Variants in PRUNE2 observed in about 807,000 individuals in gnomAD.
PRUNE2 encodes the protein prune homolog 2 with BCH domain.
PRUNE2 carries 164 observed loss-of-function variants against 252.0 expected under a neutral mutation model. That is an observed-to-expected ratio of 0.65 (90% CI 0.57 to 0.74). The LOEUF is 0.74. Ranked by LOEUF, PRUNE2 falls within the 30% of genes least tolerant of loss-of-function variation. PRUNE2 has a pLI of 0.00. For synonymous variants in PRUNE2, 1,292 were observed against 1,350.2 expected (o/e 0.96, Z 0.94); for missense variants, 3,495 against 3,711.0 (o/e 0.94, Z 1.51).
chr9:76,675,619 T>C (rs879907670), intron 9 of PRUNE2, among the ~76,000 whole-genome samples: 3,189 of 105,642 alleles, frequency 0.03, no homozygotes, highest in South Asian at 0.058. Context: ...TGCATACGTA[T>C]GTTTATTGCG....
At chr9:76,848,963 C>A (rs1178363523) in intron 3 of PRUNE2, among the ~76,000 whole-genome samples, 1 of 152,170 alleles carries the variant, frequency 6.6e-6, no homozygotes, top group East Asian at 1.9e-4. Flanking sequence ...GGTGTAATCA[C>A]AGCTCAACCA....
chr9:76,861,935 T>G (rs1193516892), intron 1 of PRUNE2, among the ~76,000 whole-genome samples: 1 of 152,176 alleles, frequency 6.6e-6, no homozygotes, highest in Non-Finnish European at 1.5e-5. Context: ...GAAGGGCTCC[T>G]AAGGGAATTG....
intron 6 of PRUNE2, among the ~76,000 whole-genome samples, chr9:76,807,465 C>T (rs1420959471): frequency 2.0e-5 from 3 of 152,124 alleles, no homozygotes; most frequent in Admixed American, 2.0e-4. Flanking sequence ...AGCAGCTACT[C>T]AGTATTTCAC....
rs2055545375 is a variant in PRUNE2, at chr9:76,791,543, T to C, written c.756+32089A>G. On this transcript the variant is annotated intron_variant, in intron 6 of 18. Transcript: ENST00000376718. The stretch of plus-strand genomic sequence containing the variant: ...TGGTACAATAATACTGCACCAATTA[T>C]CATTGGTACAATAATACTGCACCAA... Among the ~76,000 whole-genome samples the C allele has an allele frequency of 7.7e-5, 7 of 91,092 alleles. No individual in the cohort carries two copies. In the South Asian group the frequency reaches 3.1e-3, roughly 41 times the overall value. The allele number at this position is 91,092 out of a possible 152,430, so 59.8% of individuals were successfully genotyped here.
At chr9:76,639,388 G>A (rs537991866) in intron 12 of PRUNE2, among the ~76,000 whole-genome samples, 1 of 152,292 alleles carries the variant, frequency 6.6e-6, no homozygotes, top group East Asian at 1.9e-4. Flanking sequence ...CTATTTGGAA[G>A]GCTGAGGCAG....
chr9:76,837,441 A>AAATATTATAATAATAATAAT lies in PRUNE2; in HGVS notation c.508+9073_508+9074insATTATTATTATTATAATATT, dbSNP rs147526426. Among the ~76,000 whole-genome samples the AAATATTATAATAATAATAAT allele has an allele frequency of 9.6e-5, 13 of 134,826 alleles. 1 individual carries two copies. The highest frequency in any genetic ancestry group is 5.5e-4 in the South Asian group (2 of 3,658). 88.5% of individuals were successfully genotyped at this position (134,826 alleles called of 152,430 possible). A position where few individuals can be genotyped will look rare whatever the true frequency, so the allele number is the denominator to read the frequency against. Reference sequence around the variant, plus strand: ...TGGCGACACAGTGAGACTCTGTCTCAAATAATAATAATAATAATAATAATA... The same window carrying AAATATTATAATAATAATAAT: ...TGGCGACACAGTGAGACTCTGTCTCAAATATTATAATAATAATAATAATAATAATAATAATAATAATAATA... On this transcript the variant is annotated intron_variant, in intron 4 of 18. Transcript: ENST00000376718.
intron 6 of PRUNE2, among the ~76,000 whole-genome samples, chr9:76,766,986 C>T (rs910858803): frequency 6.6e-6 from 1 of 152,154 alleles, no homozygotes; most frequent in Non-Finnish European, 1.5e-5. Context: ...CCACACCTTC[C>T]CCCCAAGGCG....
intron 6 of PRUNE2, among the ~76,000 whole-genome samples, chr9:76,724,462 G>A (rs2047932082): frequency 6.6e-6 from 1 of 151,956 alleles, no homozygotes; most frequent in African/African-American, 2.4e-5. Context: ...GGGTGACAGA[G>A]CAAGACCCTG....
intron 9 of PRUNE2, among the ~76,000 whole-genome samples, chr9:76,690,960 T>C (rs1028045223): frequency 1.3e-5 from 2 of 152,364 alleles, no homozygotes; most frequent in East Asian, 3.9e-4. Flanking sequence ...AAGTTTCTCT[T>C]AGCAATTAAG....
chr9:76,892,004 A>G (rs2062505613), intron 1 of PRUNE2, among the ~76,000 whole-genome samples: 1 of 152,210 alleles, frequency 6.6e-6, no homozygotes, highest in Non-Finnish European at 1.5e-5. Flanking sequence ...TTACTGTTCC[A>G]TAAGGCTCAA....
At chr9:76,725,360 C>A (rs925353448) in intron 6 of PRUNE2, among the ~76,000 whole-genome samples, 3 of 152,158 alleles carry the variant, frequency 2.0e-5, no homozygotes, top group African/African-American at 7.2e-5. Context: ...GTCAGAGGTG[C>A]TTCATCATTT....
At chr9:76,814,575 T>C (rs2057562366) in intron 6 of PRUNE2, among the ~76,000 whole-genome samples, 2 of 152,128 alleles carry the variant, frequency 1.3e-5, no homozygotes, top group Non-Finnish European at 2.9e-5. Context: ...TACACAGCAA[T>C]AGATAACTGA....
chr9:76,707,144 A>G lies in PRUNE2; in HGVS notation c.5130T>C (p.Ala1710=). ...AATCCCAAGCTCTGGATTCATCCTC[A>G]GCAACGTGGCAGTTGGCCACCTGGA... ...EEIQVANCHV[A]EDESRAWDSL... is the part of the protein sequence containing the mutation. Residue 1710 remains alanine (A), a synonymous_variant, in exon 8 of 19, where the codon GCT becomes GCC. Coordinates refer to ENST00000376718, the MANE Select transcript of PRUNE2 (RefSeq NM_015225.3). 6.2e-7 allele frequency: 1 copy of G among 1,613,950 alleles called. No individual in the cohort carries two copies. The highest frequency in any genetic ancestry group is 8.5e-7 in the Non-Finnish European group (1 of 1,179,864).
chr9:76,687,354 A>T (rs2044206945), intron 9 of PRUNE2, among the ~76,000 whole-genome samples: 1 of 152,170 alleles, frequency 6.6e-6, no homozygotes, highest in South Asian at 2.1e-4. Flanking sequence ...TGGGAACTGG[A>T]TGTAGAAAAA....
chr9:76,789,820 T>C (rs926940977), intron 6 of PRUNE2, among the ~76,000 whole-genome samples: 3 of 152,146 alleles, frequency 2.0e-5, no homozygotes, highest in Non-Finnish European at 4.4e-5. Flanking sequence ...TGTCTACGAA[T>C]CTTCATTAAC....
At chr9:76,850,127 T>C (rs1378424390) in intron 3 of PRUNE2, among the ~76,000 whole-genome samples, 1 of 151,978 alleles carries the variant, frequency 6.6e-6, no homozygotes, top group Non-Finnish European at 1.5e-5. Flanking sequence ...CGGCTCACTA[T>C]AACCTCTGCC....
chr9:76,706,107 T>C lies in PRUNE2; in HGVS notation c.6167A>G (p.Asn2056Ser), dbSNP rs764300908. The C allele has an allele frequency of 2.5e-4, 402 of 1,613,860 alleles. No individual in the cohort carries two copies. The highest frequency in any genetic ancestry group is 3.3e-4 in the Non-Finnish European group (385 of 1,179,872). The change falls in exon 8 of 19, where the codon AAC (asparagine) becomes AGC (serine). Residue 2056 changes from asparagine (N) to serine (S), a missense_variant. Physicochemically the swap from Asn to Ser is conservative, Grantham distance 46. Transcript: ENST00000376718. ...GTFVPDILHG[N>S]FQEGGQLASA... The stretch of plus-strand genomic sequence containing the variant: ...GGCCAGCTGCCCACCCTCTTGAAAG[T>C]TGCCATGTAAAATATCTGGCACAAA...
At chr9:76,847,671 T>A (rs1000198514) in intron 3 of PRUNE2, among the ~76,000 whole-genome samples, 11 of 152,204 alleles carry the variant, frequency 7.2e-5, no homozygotes, top group Admixed American at 2.0e-4. Flanking sequence ...CAGAGCTGGC[T>A]TTTAGCAAAG....
At chr9:76,843,317 C>G (rs200259696) in intron 4 of PRUNE2, among the ~76,000 whole-genome samples, 2 of 151,904 alleles carry the variant, frequency 1.3e-5, no homozygotes, top group East Asian at 3.9e-4. Context: ...CACACCGGGG[C>G]CTGTTGGGGA....
Sources: gnomAD v4.1 joint callset for allele counts (sites outside exome capture counted in the v4.1 genomes callset) on GRCh38, gnomAD v4.1.1 for gene constraint, MANE v1.5 for transcripts, NCBI Gene and HGNC (gene_info 2026-07-23, HGNC 2026-07-21) for gene names.